PSMA1: variants seen among roughly 807,000 people sequenced by gnomAD.
PSMA1 encodes the protein proteasome subunit alpha type-1.
PSMA1 carries 3 observed loss-of-function variants against 38.4 expected under a neutral mutation model. That is an observed-to-expected ratio of 0.08 (90% CI 0.04 to 0.20). PSMA1 has a LOEUF of 0.20. Among genes scored for constraint, PSMA1 ranks in the 10% least tolerant of loss-of-function variants. The pLI is 1.00. For missense variants in PSMA1, 227 were observed against 325.3 expected, an observed-to-expected ratio of 0.70 and a Z score of 2.32; for synonymous variants, 101 against 107.1, an observed-to-expected ratio of 0.94 and a Z score of 0.35.
chr11:14,574,948 G>A (rs1378917852), intron 2 of PSMA1, among the ~76,000 whole-genome samples: 1 of 152,194 alleles, frequency 6.6e-6, no homozygotes, highest in Non-Finnish European at 1.5e-5. Context: ...AACAGGCAGA[G>A]GTTGGAACAG....
intron 1 of PSMA1, among the ~76,000 whole-genome samples, chr11:14,611,955 T>C (rs1852713864): frequency 2.0e-5 from 3 of 152,222 alleles, no homozygotes; most frequent in Non-Finnish European, 1.5e-5. Context: ...AGTTTGGAGT[T>C]GGAATAAACA....
chr11:14,564,091 A>C (rs1852041079), intron 2 of PSMA1, among the ~76,000 whole-genome samples: 1 of 152,204 alleles, frequency 6.6e-6, no homozygotes, highest in Admixed American at 6.5e-5. Context: ...CATCTTACAA[A>C]CTTATAATAC....
At chr11:14,562,294 G>T (rs922618177) in intron 2 of PSMA1, among the ~76,000 whole-genome samples, 2 of 152,334 alleles carry the variant, frequency 1.3e-5, no homozygotes, top group African/African-American at 4.8e-5. Context: ...GTCATTAGAT[G>T]AATTGAGAAA....
intron 9 of PSMA1, among the ~76,000 whole-genome samples, chr11:14,505,911 G>T (rs992549545): frequency 1.3e-5 from 2 of 152,200 alleles, no homozygotes; most frequent in South Asian, 4.2e-4. Flanking sequence ...TGGCGCGGGG[G>T]AAGGTAGGAG....
At chr11:14,615,895 T>G (rs1179632958) in intron 1 of PSMA1, among the ~76,000 whole-genome samples, 1 of 151,866 alleles carries the variant, frequency 6.6e-6, no homozygotes, top group Non-Finnish European at 1.5e-5. Flanking sequence ...CCTAGGAGGG[T>G]TTTGCAAAGA....
At chr11:14,531,344 T>G (rs1176715519) in intron 2 of PSMA1, among the ~76,000 whole-genome samples, 1 of 152,184 alleles carries the variant, frequency 6.6e-6, no homozygotes, top group Non-Finnish European at 1.5e-5. Context: ...ATGTACTCAA[T>G]GTTCAGCTCG....
At chr11:14,539,605 G>A (rs1273592818) in intron 2 of PSMA1, among the ~76,000 whole-genome samples, 1 of 152,066 alleles carries the variant, frequency 6.6e-6, no homozygotes, top group Admixed American at 6.6e-5. Context: ...CAGCACTTTG[G>A]GAGGGCGAGA....
At chr11:14,615,337 G>A (rs535936795) in intron 1 of PSMA1, among the ~76,000 whole-genome samples, 2 of 152,216 alleles carry the variant, frequency 1.3e-5, no homozygotes, top group Non-Finnish European at 2.9e-5. Context: ...CGTCCTCAGA[G>A]GTTGACCTCT....
intron 2 of PSMA1, among the ~76,000 whole-genome samples, chr11:14,599,778 C>A (rs752310574): frequency 4.5e-4 from 68 of 152,132 alleles, no homozygotes; most frequent in African/African-American, 1.6e-3. Context: ...AGCTTTGTTC[C>A]GTTGCTGGCT....
At chr11:14,575,947 C>A (rs1357026166) in intron 2 of PSMA1, among the ~76,000 whole-genome samples, 7 of 152,174 alleles carry the variant, frequency 4.6e-5, no homozygotes, top group Non-Finnish European at 5.9e-5. Flanking sequence ...TTAATGATCA[C>A]CATTCTAACT....
intron 4 of PSMA1, among the ~76,000 whole-genome samples, chr11:14,514,925 C>G (rs1589979106): frequency 1.3e-5 from 2 of 152,156 alleles, no homozygotes; most frequent in East Asian, 3.8e-4. Flanking sequence ...ATGGAAAACA[C>G]AGCAGGGGGG....
chr11:14,565,380 A>G (rs1001726040), intron 2 of PSMA1, among the ~76,000 whole-genome samples: 2 of 151,478 alleles, frequency 1.3e-5, no homozygotes, highest in Non-Finnish European at 2.9e-5. Context: ...TTTGTTTTTC[A>G]CTTTCATTGA....
At chr11:14,606,920 G>C (rs1357872580) in intron 2 of PSMA1, among the ~76,000 whole-genome samples, 1 of 152,204 alleles carries the variant, frequency 6.6e-6, no homozygotes, top group Admixed American at 6.5e-5. Flanking sequence ...TAGGCTTACT[G>C]ACACATAGCC....
intron 1 of PSMA1, among the ~76,000 whole-genome samples, chr11:14,636,540 T>G (rs1359778940): frequency 1.3e-5 from 2 of 152,164 alleles, no homozygotes; most frequent in Non-Finnish European, 2.9e-5. Context: ...TCTCTTTTTC[T>G]CCCAGGGTTC....
chr11:14,569,255 T>C (rs1451970798), intron 2 of PSMA1, among the ~76,000 whole-genome samples: 2 of 152,168 alleles, frequency 1.3e-5, no homozygotes, highest in Non-Finnish European at 2.9e-5. Flanking sequence ...GGTTCAAAGA[T>C]GGCCAAATAG....
At chr11:14,538,518 T>C (rs375171864) in intron 2 of PSMA1, among the ~76,000 whole-genome samples, 24 of 152,356 alleles carry the variant, frequency 1.6e-4, no homozygotes, top group African/African-American at 5.5e-4. Context: ...CCAGCTTCCA[T>C]ATCCCTTAAC....
intron 1 of PSMA1, among the ~76,000 whole-genome samples, chr11:14,642,093 A>G (rs1305704482): frequency 6.6e-6 from 1 of 151,246 alleles, no homozygotes; most frequent in African/African-American, 2.5e-5. Context: ...TTAAATGCCC[A>G]CACACATACA....
At chr11:14,568,264 A>G (rs1021213672) in intron 2 of PSMA1, among the ~76,000 whole-genome samples, 1 of 152,152 alleles carries the variant, frequency 6.6e-6, no homozygotes, top group Non-Finnish European at 1.5e-5. Context: ...ATTCCATCCC[A>G]CCATGCTACC....
intron 2 of PSMA1, among the ~76,000 whole-genome samples, chr11:14,533,814 C>G (rs1233337989): frequency 6.6e-6 from 1 of 151,930 alleles, no homozygotes; most frequent in Non-Finnish European, 1.5e-5. Context: ...TGCTTTTTGC[C>G]TTACAAAAAT....
Sources: gnomAD v4.1 joint callset for allele counts (sites outside exome capture counted in the v4.1 genomes callset) on GRCh38, gnomAD v4.1.1 for gene constraint, MANE v1.5 for transcripts, NCBI Gene and HGNC (gene_info 2026-07-23, HGNC 2026-07-21) for gene names.